The following PRRC2B variants were observed in gnomAD, a reference collection of about 807,000 sequenced individuals.
PRRC2B encodes the protein protein PRRC2B.
Under a neutral mutation model 242.3 loss-of-function variants are expected in PRRC2B, and 68 were observed. The ratio of observed to expected loss-of-function variants is 0.28; its 90% CI spans 0.23 to 0.34. The LOEUF (loss-of-function observed/expected upper bound fraction) is 0.34, where lower values mean the gene tolerates loss of function less well. Among genes scored for constraint, PRRC2B ranks in the 10% least tolerant of loss-of-function variants. PRRC2B has a pLI of 1.00. For missense variants in PRRC2B, 2,835 were observed against 2,954.8 expected (o/e 0.96, Z 0.94); for synonymous variants, 1,228 against 1,173.6 (o/e 1.05, Z -0.95).
intron 9 of PRRC2B, among the ~76,000 whole-genome samples, chr9:131,450,579 T>G (rs1486365263): frequency 1.3e-5 from 2 of 150,496 alleles, no homozygotes; most frequent in Admixed American, 6.7e-5. Context: ...ATCTTAACTT[T>G]GAAACTTGGT....
chr9:131,420,188 G>A (rs1484164381), intron 1 of PRRC2B, among the ~76,000 whole-genome samples: 1 of 152,076 alleles, frequency 6.6e-6, no homozygotes, highest in Non-Finnish European at 1.5e-5. Flanking sequence ...GGAACACTGG[G>A]TTACCAGGAA....
At chr9:131,464,640 G>A (rs1202352234) in intron 11 of PRRC2B, 123 bp from the exon 12 acceptor site, 9 of 849,188 alleles carry the variant, frequency 1.1e-5, no homozygotes, top group Middle Eastern at 3.6e-4. Context: ...TCTGCCACAC[G>A]CCTGTGCTGC....
chr9:131,388,901 CATG>C (rs1359462948), intron 1 of PRRC2B, among the ~76,000 whole-genome samples: 2 of 143,856 alleles, frequency 1.4e-5, no homozygotes, highest in Non-Finnish European at 3.0e-5. Flanking sequence ...AGTGCAGTGG[CATG>C]ATCTTGGCTC....
intron 12 of PRRC2B, among the ~76,000 whole-genome samples, chr9:131,466,946 T>G (rs1276700325): frequency 6.6e-6 from 1 of 151,816 alleles, no homozygotes; most frequent in Admixed American, 6.6e-5. Flanking sequence ...GGACTACAGG[T>G]GCCCGCCACC....
chr9:131,416,870 A>AG (rs773483507), intron 1 of PRRC2B, among the ~76,000 whole-genome samples: 1 of 152,116 alleles, frequency 6.6e-6, no homozygotes, highest in Non-Finnish European at 1.5e-5. Flanking sequence ...TTATTTTTTA[A>AG]GGGGGAAAAA....
chr9:131,428,009 C>T (rs1056842164), intron 1 of PRRC2B, among the ~76,000 whole-genome samples: 1 of 152,102 alleles, frequency 6.6e-6, no homozygotes, highest in Non-Finnish European at 1.5e-5. Context: ...GCAACCTCTG[C>T]CTCCTGGGTT....
chr9:131,378,287 C>A (rs997826448), intron 1 of PRRC2B, among the ~76,000 whole-genome samples: 1 of 141,040 alleles, frequency 7.1e-6, no homozygotes, highest in African/African-American at 2.7e-5. Context: ...CCAGCCCGGA[C>A]GACAAGAGTG....
chr9:131,377,303 C>T (rs1373813752), intron 1 of PRRC2B, among the ~76,000 whole-genome samples: 1 of 152,094 alleles, frequency 6.6e-6, no homozygotes, highest in African/African-American at 2.4e-5. Flanking sequence ...TTAGTACAGA[C>T]GGGGTTTCAC....
At chr9:131,396,201 G>C (rs1837050387) in intron 1 of PRRC2B, among the ~76,000 whole-genome samples, 1 of 151,958 alleles carries the variant, frequency 6.6e-6, no homozygotes. Flanking sequence ...AAATGTATGT[G>C]TTTGTTGATT....
chr9:131,470,752 A>G, intron 13 of PRRC2B, 36 bp from the exon 14 acceptor site: 1 of 1,587,222 alleles, frequency 6.3e-7, no homozygotes, highest in Non-Finnish European at 8.6e-7. Flanking sequence ...CCCTGGCCGC[A>G]CCAGCCTGAC....
At chr9:131,468,540 T>G (rs1427271276) in intron 13 of PRRC2B, among the ~76,000 whole-genome samples, 1 of 152,206 alleles carries the variant, frequency 6.6e-6, no homozygotes, top group Non-Finnish European at 1.5e-5. Context: ...CCATCTCTCC[T>G]AGTCCTGATA....
intron 19 of PRRC2B, among the ~76,000 whole-genome samples, chr9:131,479,683 A>C (rs923211522): frequency 6.6e-6 from 1 of 152,250 alleles, no homozygotes; most frequent in East Asian, 1.9e-4. Flanking sequence ...TAGATCACAC[A>C]GTAGTGGGAA....
In PRRC2B at chr9:131,475,151, C is replaced by T. The variant is rs267602148; in HGVS notation, c.3022C>T (p.Pro1008Ser). 1.5e-5 allele frequency: 24 copies of T among 1,612,938 alleles called. No homozygotes were observed. Among genetic ancestry groups the T allele is most frequent in the Non-Finnish European group, 1.9e-5 (23 of 1,179,528 alleles). Residue 1008 changes from proline to serine, a missense_variant, in exon 16 of 32, where the codon CCT (proline) becomes TCT (serine). By Grantham distance (74) the Pro-to-Ser change is moderately conservative (BLOSUM62 -1). Coordinates refer to ENST00000683519, the MANE Select transcript of PRRC2B (RefSeq NM_013318.4). ...SSTTTLEDKG[P>S]GHATFGREAT... ...CACCACCACTTTGGAGGACAAAGGC[C>T]CTGGCCATGCCACTTTTGGCCGCGA...
chr9:131,495,666 A>C, intron 31 of PRRC2B, 74 bp from the exon 32 acceptor site: 1 of 1,514,924 alleles, frequency 6.6e-7, no homozygotes, highest in Non-Finnish European at 9.0e-7. Context: ...GCAGGAAGGG[A>C]GTGGTGGGAA....
At chr9:131,456,864 T>C (rs888310169) in intron 10 of PRRC2B, among the ~76,000 whole-genome samples, 2 of 152,230 alleles carry the variant, frequency 1.3e-5, no homozygotes, top group Admixed American at 1.3e-4. Flanking sequence ...TTTTGAGTAC[T>C]AGCAAGTAAG....
intron 1 of PRRC2B, among the ~76,000 whole-genome samples, chr9:131,422,860 A>G (rs988095913): frequency 2.0e-5 from 3 of 152,080 alleles, no homozygotes; most frequent in African/African-American, 7.2e-5. Context: ...TCTTTTCTCC[A>G]TTGATTTGTT....
In PRRC2B at chr9:131,478,308, T is replaced by C. The variant is rs147420474; in HGVS notation, c.4613-166T>C. ...CAGTTGTGCCCTTGGGCCTCTTTGG[T>C]TTGGGGTAACAATGTGTTAGATCAG... On this transcript the variant is annotated intron_variant, in intron 17 of 31. Coordinates refer to ENST00000683519, the MANE Select transcript of PRRC2B (RefSeq NM_013318.4). Among the ~76,000 whole-genome samples the C allele has an allele frequency of 3.1e-3, 476 of 152,202 alleles. 2 individuals are homozygous for C. Among genetic ancestry groups the C allele is most frequent in the African/African-American group, 0.011 (463 of 41,504 alleles).
Position 131,439,088 on chromosome 9 carries a change from T to A in PRRC2B, c.469+27T>A, listed in dbSNP as rs965685438. 4 of 1,596,610 alleles carry A rather than the reference T, an allele frequency of 2.5e-6. No individual in the cohort carries two copies. The African/African-American group carries it at 5.4e-5, about 21-fold the overall frequency. ...TAAGTGCGCACGTGTGTGTGTTGTT[T>A]GGGGACGCTGGGGAGAGGGAGGTGA... On this transcript the variant is annotated intron_variant, in intron 5 of 31. Coordinates refer to ENST00000683519, the MANE Select transcript of PRRC2B (RefSeq NM_013318.4).
At position 131,483,162 on chromosome 9, in the gene PRRC2B, G is replaced by GGA. The variant is rs540607572; in HGVS notation, c.5374-194_5374-193dup. On this transcript the variant is annotated intron_variant, in intron 22 of 31. Transcript: ENST00000683519. The stretch of plus-strand genomic sequence containing the variant: ...TTCTGTCAGGCCACCCAAGGGACAG[G>GGA]GAGAAAGAAGTGAGGCTGGCGTCCT... Among the ~76,000 whole-genome samples, 25 of 152,296 alleles carry GGA rather than the reference G, an allele frequency of 1.6e-4. No homozygotes were observed. In the South Asian group the frequency reaches 4.8e-3, roughly 29 times the overall value.
Sources: gnomAD v4.1 joint callset for allele counts (sites outside exome capture counted in the v4.1 genomes callset) on GRCh38, gnomAD v4.1.1 for gene constraint, MANE v1.5 for transcripts, NCBI Gene and HGNC (gene_info 2026-07-23, HGNC 2026-07-21) for gene names.